Variants in FAM184A observed in about 807,000 individuals in gnomAD.
FAM184A encodes family with sequence similarity 184 member A.
Under a neutral mutation model 143.8 loss-of-function variants are expected in FAM184A, and 99 were observed. That is an observed-to-expected ratio of 0.69 (90% CI 0.58 to 0.81). The LOEUF (loss-of-function observed/expected upper bound fraction) is 0.81, where lower values mean the gene tolerates loss of function less well. Among genes scored for constraint, FAM184A ranks in the 40% least tolerant of loss-of-function variants. The probability of loss-of-function intolerance (pLI) is 0.00; values close to 1 mark genes in which losing one functional copy is unlikely to be tolerated. For missense variants in FAM184A, 1,217 were observed against 1,310.5 expected (o/e 0.93, Z 1.10); for synonymous variants, 427 against 446.4 (o/e 0.96, Z 0.55).
rs1787303108 is a variant in FAM184A, at chr6:119,062,622, T to G, written c.159+15519A>C. 3.9e-5 allele frequency among the ~76,000 whole-genome samples: 6 copies of G among 152,172 alleles called. No homozygotes were observed. In the South Asian group the frequency reaches 1.2e-3, roughly 32 times the overall value. On this transcript the variant is annotated intron_variant, in intron 1 of 17. Coordinates refer to ENST00000338891, the MANE Select transcript of FAM184A (RefSeq NM_024581.6). Reference sequence around the variant, plus strand: ...CTGCAGTGAGCTGTGATCGCACCACTGCATTCCAGCCTGGGTGACAGAGAG... The same window carrying G: ...CTGCAGTGAGCTGTGATCGCACCACGGCATTCCAGCCTGGGTGACAGAGAG...
In FAM184A at chr6:118,971,114, C is replaced by G. The variant is rs1583766893; in HGVS notation, c.2915+3314G>C. Reference sequence around the variant, plus strand: ...AAACTCTTAAATAAAGGAAATATAGCAATTGAAGCACTTTAACGCTGAACC... The same window carrying G: ...AAACTCTTAAATAAAGGAAATATAGGAATTGAAGCACTTTAACGCTGAACC... On this transcript the variant is annotated intron_variant, in intron 14 of 17. Coordinates refer to ENST00000338891, the MANE Select transcript of FAM184A (RefSeq NM_024581.6). Among the ~76,000 whole-genome samples the G allele has an allele frequency of 2.0e-5, 3 of 152,214 alleles. No homozygotes were observed. The South Asian group carries it at 6.2e-4, about 32-fold the overall frequency.
intron 1 of FAM184A, among the ~76,000 whole-genome samples, chr6:119,064,705 C>CA (rs1289521255): frequency 6.6e-6 from 1 of 152,136 alleles, no homozygotes; most frequent in East Asian, 1.9e-4. Context: ...GACTCCATCT[C>CA]TTAAAAACAA....
rs188116970 is a variant in FAM184A at position 119,006,366 on chromosome 6, G to C, written c.1815+81C>G. ...ATATACTAATTATATACAATGTGCTGTTTAAATAGCTCTAGGTCAAATGGC... is the reference window on the plus strand; with the variant it reads ...ATATACTAATTATATACAATGTGCTCTTTAAATAGCTCTAGGTCAAATGGC... On this transcript the variant is annotated intron_variant, in intron 7 of 17. Coordinates refer to ENST00000338891, the MANE Select transcript of FAM184A (RefSeq NM_024581.6). 11 of 1,349,138 alleles carry C rather than the reference G, an allele frequency of 8.2e-6. No homozygotes were observed. The East Asian group carries it at 2.3e-4, about 28-fold the overall frequency. 83.6% of individuals were successfully genotyped at this position (1,349,138 alleles called of 1,614,324 possible). A position where few individuals can be genotyped will look rare whatever the true frequency, so the allele number is the denominator to read the frequency against.
intron 1 of FAM184A, among the ~76,000 whole-genome samples, chr6:119,061,474 G>A (rs1416145079): frequency 6.7e-6 from 1 of 149,114 alleles, no homozygotes; most frequent in African/African-American, 2.5e-5. Context: ...TCCTGCCTCA[G>A]CCTCCTAAGT....
intron 1 of FAM184A, among the ~76,000 whole-genome samples, chr6:119,034,037 TATATAG>T (rs1360912856): frequency 0.1 from 4,339 of 41,890 alleles, 99 homozygotes; most frequent in Non-Finnish European, 0.13. Context: ...TATATATATA[TATATAG>T]AGAGAGAGAG....
chr6:119,019,080 G>C (rs770693136), intron 4 of FAM184A, among the ~76,000 whole-genome samples: 1 of 152,178 alleles, frequency 6.6e-6, no homozygotes, highest in Non-Finnish European at 1.5e-5. Flanking sequence ...AGCTATCACT[G>C]AATAAGTGAC....
At position 119,020,145 on chromosome 6, in the gene FAM184A, G is replaced by A; in HGVS notation, c.1165C>T (p.Leu389Phe). 6.3e-7 allele frequency: 1 copy of A among 1,585,078 alleles called. No homozygotes were observed. Among genetic ancestry groups the A allele is most frequent in the East Asian group, 2.3e-5 (1 of 43,990 alleles). ...LVLKASHIGM[L>F]QATQMTQEVT... ...TCCTGGGTCATTTGAGTTGCTTGAAGCATTCCAATATGACCTATCCCCCAA... is the reference window on the plus strand; with the variant it reads ...TCCTGGGTCATTTGAGTTGCTTGAAACATTCCAATATGACCTATCCCCCAA... The change falls in exon 4 of 18, where the codon CTT (leucine) becomes TTT (phenylalanine). Residue 389 changes from leucine (L) to phenylalanine (F), a missense_variant. Physicochemically the swap from Leu to Phe is conservative, Grantham distance 22. Transcript: ENST00000338891.
intron 9 of FAM184A, among the ~76,000 whole-genome samples, chr6:118,993,780 T>C (rs556820387): frequency 6.6e-6 from 1 of 152,352 alleles, no homozygotes; most frequent in Non-Finnish European, 1.5e-5. Flanking sequence ...GCAATGTTCA[T>C]TGAGTGACAC....
chr6:119,006,590 T>C lies in FAM184A; in HGVS notation c.1672A>G (p.Met558Val), dbSNP rs900038735. The C allele has an allele frequency of 6.2e-7, 1 of 1,612,914 alleles. No homozygotes were observed. The highest frequency in any genetic ancestry group is 8.5e-7 in the Non-Finnish European group (1 of 1,179,514). The change falls in exon 7 of 18, where the codon ATG becomes GTG. Residue 558 changes from methionine to valine, a missense_variant. Met to Val is a conservative substitution (Grantham distance 21). Transcript: ENST00000338891. ...AGACCTTGTTCACTTTTCCTTACCA[T>C]ATCTTGGAGGTGGCCAATCTGTAAG... ...ANQEIGHLQD[M>V]VRKSEQGLGS...
At chr6:119,135,402 A>G (rs757318832) in intron 1 of FAM184A, among the ~76,000 whole-genome samples, 2 of 152,192 alleles carry the variant, frequency 1.3e-5, no homozygotes, top group Non-Finnish European at 2.9e-5. Flanking sequence ...TGTGTTTCCC[A>G]AAGACCATTA....
intron 1 of FAM184A, among the ~76,000 whole-genome samples, chr6:119,126,234 A>G (rs1789362398): frequency 6.6e-6 from 1 of 152,136 alleles, no homozygotes; most frequent in Admixed American, 6.5e-5. Context: ...TGGCACCTTC[A>G]TCATAAAAAG....
At chr6:119,140,914 A>C (rs1772212192) in intron 1 of FAM184A, among the ~76,000 whole-genome samples, 1 of 152,224 alleles carries the variant, frequency 6.6e-6, no homozygotes, top group South Asian at 2.1e-4. Flanking sequence ...AATCCTCCCC[A>C]GGCTTTCCAG....
chr6:119,002,583 C>G (rs565141627), intron 9 of FAM184A, among the ~76,000 whole-genome samples: 1 of 152,086 alleles, frequency 6.6e-6, no homozygotes, highest in South Asian at 2.1e-4. Context: ...TATCTAAGGA[C>G]ATGAAAAAAG....
chr6:119,061,046 A>C (rs1302634265), intron 1 of FAM184A, among the ~76,000 whole-genome samples: 1 of 152,236 alleles, frequency 6.6e-6, no homozygotes, highest in Non-Finnish European at 1.5e-5. Flanking sequence ...AATGTGTATG[A>C]GTAGCTTGAT....
chr6:119,016,849 G>C lies in FAM184A; in HGVS notation c.1428C>G (p.Asn476Lys). Residue 476 changes from asparagine (N) to lysine (K), a missense_variant, in exon 5 of 18, where the codon AAC (asparagine) becomes AAG (lysine). By Grantham distance (94) the Asn-to-Lys change is moderately conservative. Transcript: ENST00000338891. ...CTTCCAAAGTCTTAGAATGGGCCTC[G>C]TTTAATTGAGTCACCTCCTCTTCCA... ...SRLEEEVTQL[N>K]EAHSKTLEEL... 6.2e-7 allele frequency: 1 copy of C among 1,613,894 alleles called. No homozygotes were observed. The highest frequency in any genetic ancestry group is 1.1e-5 in the South Asian group (1 of 91,072).
At chr6:119,045,030 C>G (rs553482139) in intron 1 of FAM184A, among the ~76,000 whole-genome samples, 37 of 152,322 alleles carry the variant, frequency 2.4e-4, no homozygotes, top group African/African-American at 8.4e-4. Flanking sequence ...GCTGTAAATA[C>G]AACCTACGCT....
chr6:119,009,131 G>A (rs1470745560), intron 6 of FAM184A, among the ~76,000 whole-genome samples: 1 of 152,186 alleles, frequency 6.6e-6, no homozygotes, highest in Non-Finnish European at 1.5e-5. Context: ...GCACAGGGTT[G>A]CTGTGAGGAT....
At chr6:119,100,467 G>C (rs1404839853) in intron 1 of FAM184A, among the ~76,000 whole-genome samples, 1 of 152,088 alleles carries the variant, frequency 6.6e-6, no homozygotes, top group Non-Finnish European at 1.5e-5. Context: ...AACTCCCTGA[G>C]AGCTCTCAGG....
chr6:119,143,059 A>G (rs1373026047), intron 1 of FAM184A, among the ~76,000 whole-genome samples: 1 of 152,214 alleles, frequency 6.6e-6, no homozygotes, highest in Non-Finnish European at 1.5e-5. Flanking sequence ...GCTCCTAAGA[A>G]GGAACCAATC....
Sources: gnomAD v4.1 joint callset for allele counts (sites outside exome capture counted in the v4.1 genomes callset) on GRCh38, gnomAD v4.1.1 for gene constraint, MANE v1.5 for transcripts, NCBI Gene and HGNC (gene_info 2026-07-23, HGNC 2026-07-21) for gene names.